Variants in UBN1 observed in about 807,000 individuals in gnomAD.
The protein encoded by UBN1 is ubinuclein-1.
In UBN1, 17 loss-of-function variants were observed where a neutral mutation model predicts 108.5. That is an observed-to-expected ratio of 0.16 (90% CI 0.11 to 0.24). UBN1 has a LOEUF of 0.24. Among genes scored for constraint, UBN1 ranks in the 10% least tolerant of loss-of-function variants. The pLI is 1.00. For missense variants in UBN1, 1,595 were observed against 1,394.4 expected (o/e 1.14, Z -2.29); for synonymous variants, 726 against 564.2 (o/e 1.29, Z -4.07).
At chr16:4,864,247 T>G (rs1430810249) in intron 7 of UBN1, among the ~76,000 whole-genome samples, 8 of 152,064 alleles carry the variant, frequency 5.3e-5, no homozygotes, top group Admixed American at 3.9e-4. Flanking sequence ...CCACTGCGCC[T>G]GGCCTGTGTT....
In UBN1 at chr16:4,852,771, G is replaced by A. The variant is rs1233085177; in HGVS notation, c.-39-108G>A. 8 of 1,157,414 alleles carry A rather than the reference G, an allele frequency of 6.9e-6. No homozygotes were observed. The East Asian group carries it at 1.8e-4, about 26-fold the overall frequency. 71.7% of individuals were successfully genotyped at this position (1,157,414 alleles called of 1,614,324 possible). ...ACAATAAATGACAAAATATAACAAT[G>A]GAGTTTTCTTGACAATGAAATTCTC... On this transcript the variant is annotated intron_variant, in intron 1 of 17. Coordinates refer to ENST00000262376, the MANE Select transcript of UBN1 (RefSeq NM_001079514.3).
chr16:4,867,341 G>A (rs1242567763), intron 7 of UBN1, among the ~76,000 whole-genome samples: 1 of 152,168 alleles, frequency 6.6e-6, no homozygotes, highest in Non-Finnish European at 1.5e-5. Flanking sequence ...CCACTTACAC[G>A]CAGATGTTTT....
In UBN1 at chr16:4,875,663, C is replaced by T. The variant is rs569082583; in HGVS notation, c.3024+229C>T. 2.0e-5 allele frequency among the ~76,000 whole-genome samples: 3 copies of T among 152,266 alleles called. No individual in the cohort carries two copies. In the East Asian group the frequency reaches 5.8e-4, roughly 29 times the overall value. Reference sequence around the variant, plus strand: ...CTTCTTCTGAGGAGGGCAGAGGGACCTAAAGGATGGCCAGCACCAAGCACC... The same window carrying T: ...CTTCTTCTGAGGAGGGCAGAGGGACTTAAAGGATGGCCAGCACCAAGCACC... On this transcript the variant is annotated intron_variant, in intron 15 of 17. Coordinates refer to ENST00000262376, the MANE Select transcript of UBN1 (RefSeq NM_001079514.3).
intron 1 of UBN1, among the ~76,000 whole-genome samples, chr16:4,852,051 T>A (rs1178332389): frequency 6.6e-6 from 1 of 152,244 alleles, no homozygotes; most frequent in Non-Finnish European, 1.5e-5. Context: ...TCATTTTGGT[T>A]GCTTCCATCA....
At chr16:4,871,114 C>A (rs367783587) in intron 11 of UBN1, 41 bp from the exon 12 acceptor site, 1 of 1,611,762 alleles carries the variant, frequency 6.2e-7, no homozygotes, top group African/African-American at 1.3e-5. Flanking sequence ...GGAGCAGCAT[C>A]TGAAGTAGTT....
In UBN1 at chr16:4,874,717, C is replaced by A; in HGVS notation, c.2307C>A (p.Leu769=). ...AAGAGCTGTCCTGCCAGGCTCCCCTCAATAAGGGCCTGCCAGAAGTACATC... is the reference window on the plus strand; with the variant it reads ...AAGAGCTGTCCTGCCAGGCTCCCCTAAATAAGGGCCTGCCAGAAGTACATC... The part of the protein sequence containing the change: ...GYKELSCQAP[L]NKGLPEVHQS... Residue 769 remains leucine (L), a synonymous_variant, in exon 15 of 18, where the codon CTC becomes CTA. Transcript: ENST00000262376. 6.2e-7 allele frequency: 1 copy of A among 1,614,136 alleles called. No individual in the cohort carries two copies. Among genetic ancestry groups the A allele is most frequent in the Non-Finnish European group, 8.5e-7 (1 of 1,180,032 alleles).
intron 1 of UBN1, among the ~76,000 whole-genome samples, chr16:4,850,331 C>G (rs545449436): frequency 7.2e-5 from 11 of 152,302 alleles, no homozygotes; most frequent in African/African-American, 2.6e-4. Flanking sequence ...AAGCTGCAGT[C>G]TCTCAGACTT....
intron 14 of UBN1, among the ~76,000 whole-genome samples, chr16:4,873,765 A>C (rs1456114551): frequency 6.6e-6 from 1 of 152,094 alleles, no homozygotes; most frequent in Non-Finnish European, 1.5e-5. Context: ...TCTTCTTTGA[A>C]CCCAGTCTGA....
intron 6 of UBN1, 97 bp downstream of exon 6, chr16:4,860,065 G>T: frequency 1.3e-6 from 2 of 1,512,500 alleles, no homozygotes; most frequent in Non-Finnish European, 1.8e-6. Context: ...TTCGGAAGAG[G>T]CAGCAGGGCC....
chr16:4,854,276 A>C (rs1226854585), intron 2 of UBN1, among the ~76,000 whole-genome samples: 2 of 150,668 alleles, frequency 1.3e-5, no homozygotes, highest in African/African-American at 2.4e-5. Context: ...CTTGTGATCC[A>C]CCCACCTTGG....
At chr16:4,879,218 C>T (rs192478302) in intron 17 of UBN1, among the ~76,000 whole-genome samples, 19 of 152,282 alleles carry the variant, frequency 1.2e-4, no homozygotes, top group African/African-American at 2.4e-4. Context: ...ATAACTCTAA[C>T]GTGACACTAC....
chr16:4,854,221 G>C (rs749917347), intron 2 of UBN1, among the ~76,000 whole-genome samples: 7 of 151,008 alleles, frequency 4.6e-5, no homozygotes, highest in Non-Finnish European at 7.4e-5. Context: ...TTTTAGTAGA[G>C]ACAGCGTTTC....
chr16:4,849,804 C>G (rs1400810987), intron 1 of UBN1, among the ~76,000 whole-genome samples: 8 of 151,598 alleles, frequency 5.3e-5, no homozygotes, highest in Non-Finnish European at 8.8e-5. Context: ...ATCATGTTGT[C>G]CAGGCTGGTC....
intron 2 of UBN1, among the ~76,000 whole-genome samples, chr16:4,857,261 G>T (rs1049010524): frequency 2.6e-5 from 4 of 151,416 alleles, no homozygotes; most frequent in African/African-American, 9.7e-5. Context: ...GAGGCAGGAG[G>T]ATCACCCGAG....
chr16:4,877,932 A>G lies in UBN1; in HGVS notation c.3355+458A>G. 1 of 773,090 alleles carries G rather than the reference A, an allele frequency of 1.3e-6. No individual in the cohort carries two copies. Among genetic ancestry groups the G allele is most frequent in the Non-Finnish European group, 1.6e-6 (1 of 636,162 alleles). 47.9% of individuals were successfully genotyped at this position (773,090 alleles called of 1,614,324 possible). A position where few individuals can be genotyped will look rare whatever the true frequency, so the allele number is the denominator to read the frequency against. On this transcript the variant is annotated intron_variant, in intron 17 of 17. Transcript: ENST00000262376. This position sits in a 1 kb window ranked among gnomAD's most constrained non-coding sequence, Gnocchi z 4.3. The stretch of plus-strand genomic sequence containing the variant: ...AGAAGGCTCTCTAAACTTTGTTTCC[A>G]TTAAAGGGAAAATCCAGGTAGCAGC...
intron 7 of UBN1, 121 bp downstream of exon 7, chr16:4,861,223 C>G: frequency 8.6e-7 from 1 of 1,167,826 alleles, no homozygotes; most frequent in East Asian, 2.6e-5. Flanking sequence ...AAGGTGTCAG[C>G]TTTTTCCAAA....
In UBN1 at chr16:4,880,065, T is replaced by A; in HGVS notation, c.3356-18T>A. On this transcript the variant is annotated intron_variant, in intron 17 of 17. Coordinates refer to ENST00000262376, the MANE Select transcript of UBN1 (RefSeq NM_001079514.3). ...AGCATGAAAAACTTGCGTTCTAATT[T>A]TTCTTACTCTTTTCCAGGTGCTTCT... 1 of 1,613,990 alleles carries A rather than the reference T, an allele frequency of 6.2e-7. No individual in the cohort carries two copies. Among genetic ancestry groups the A allele is most frequent in the Middle Eastern group, 1.6e-4 (1 of 6,062 alleles).
intron 1 of UBN1, 60 bp downstream of exon 1, chr16:4,848,270 G>C (rs942326188): frequency 6.6e-6 from 1 of 152,250 alleles, no homozygotes; most frequent in Non-Finnish European, 1.5e-5. Flanking sequence ...TTGCACTTTT[G>C]AAAAAGTTGT....
Position 4,860,791 on chromosome 16 carries a change from A to G in UBN1, c.799A>G (p.Lys267Glu), listed in dbSNP as rs1398617333. The change falls in exon 7 of 18, where the codon AAG becomes GAG. Residue 267 changes from lysine (K) to glutamate (E), a missense_variant. By Grantham distance (56) the Lys-to-Glu change is moderately conservative (BLOSUM62 1). Transcript: ENST00000262376. ...EAQKKREEEH[K>E]PVAVPSAEAQ... ...TCAGAAAAAAAGGGAGGAGGAGCAT[A>G]AGCCTGTTGCGGTCCCATCAGCGGA... The G allele has an allele frequency of 6.2e-7, 1 of 1,614,270 alleles. No homozygotes were observed.
Sources: gnomAD v4.1 joint callset for allele counts (sites outside exome capture counted in the v4.1 genomes callset) on GRCh38, gnomAD v4.1.1 for gene constraint, Gnocchi (gnomAD v3.1) non-coding constraint, MANE v1.5 for transcripts, NCBI Gene and HGNC (gene_info 2026-07-23, HGNC 2026-07-21) for gene names.